The following COL7A1 variants were observed in gnomAD, a reference collection of about 807,000 sequenced individuals.
COL7A1 encodes collagen alpha-1(VII) chain.
A neutral mutation model predicts 456.2 loss-of-function variants in COL7A1; 296 were observed. The observed-to-expected ratio is 0.65, with a 90% CI of 0.59 to 0.71. The LOEUF (loss-of-function observed/expected upper bound fraction) is 0.71. COL7A1 is among the 30% of genes least tolerant of loss of function. The pLI is 0.00. For synonymous variants in COL7A1, 1,464 were observed against 1,525.9 expected (o/e 0.96, Z 0.95); for missense variants, 3,441 against 4,017.2 (o/e 0.86, Z 3.88).
rs114580573 is a variant in COL7A1 at position 48,579,025 on chromosome 3, C to G, written c.5389-71G>C. Reference sequence around the variant, plus strand: ...GGCTCTAGTCCCTGTGAGCCTAAGGCCTGCATGGCAAGAACATGCCCCACC... The same window carrying G: ...GGCTCTAGTCCCTGTGAGCCTAAGGGCTGCATGGCAAGAACATGCCCCACC... On this transcript the variant is annotated intron_variant, in intron 62 of 118. Transcript: ENST00000681320. This position sits in a 1 kb window ranked among gnomAD's most constrained non-coding sequence, Gnocchi z 4.4. The G allele has an allele frequency of 6.2e-7, 1 of 1,600,480 alleles. No homozygotes were observed. The highest frequency in any genetic ancestry group is 1.1e-5 in the South Asian group (1 of 90,740).
At position 48,580,354 on chromosome 3, in the gene COL7A1, G is replaced by T. The variant is rs1442370423; in HGVS notation, c.5053-10C>A. The T allele has an allele frequency of 1.2e-6, 2 of 1,608,398 alleles. No individual in the cohort carries two copies. The highest frequency in any genetic ancestry group is 3.4e-5 in the Admixed American group (2 of 59,454). ...ATGATCCAGGGCTGCCCTGCAGAAA[G>T]GCAGGGGTCAGGGCCACTCAAGGTA... On this transcript the variant is annotated splice_polypyrimidine_tract_variant and intron_variant, in intron 55 of 118. Transcript: ENST00000681320. The surrounding 1 kb of genome is among the most constrained non-coding windows in gnomAD (Gnocchi z 4.5).
rs377732069 is a variant in COL7A1, at chr3:48,592,175, C to T, written c.1167G>A (p.Thr389=). 16 of 1,613,988 alleles carry T rather than the reference C, an allele frequency of 9.9e-6. No individual in the cohort carries two copies. The African/African-American group carries it at 1.1e-4, about 11-fold the overall frequency. The change falls in exon 10 of 119, where the codon ACG becomes ACA. Residue 389 remains threonine, a synonymous_variant. Coordinates refer to ENST00000681320, the MANE Select transcript of COL7A1 (RefSeq NM_000094.4). This position sits in a 1 kb window ranked among gnomAD's most constrained non-coding sequence, Gnocchi z 7.6. ...GGGTGCTCACGGTCACCTCATAGTCCGTGCCAGGCTCCAAGTCACGCAGCA... is the reference window on the plus strand; with the variant it reads ...GGGTGCTCACGGTCACCTCATAGTCTGTGCCAGGCTCCAAGTCACGCAGCA... The part of the protein sequence containing the change: ...SVLLRDLEPG[T]DYEVTVSTLF...
Position 48,570,497 on chromosome 3 carries a change from G to T in COL7A1, c.7348C>A (p.Pro2450Thr), listed in dbSNP as rs2043840616. The T allele has an allele frequency of 2.5e-6, 4 of 1,614,004 alleles. No homozygotes were observed. The highest frequency in any genetic ancestry group is 3.4e-6 in the Non-Finnish European group (4 of 1,179,950). The part of the protein sequence containing the change: ...GPPGPPGSVG[P>T]PGASGLKGDK... ...CCTTTGAGTCCAGAGGCCCCAGGTG[G>T]TCCCTGTAGGTCAGAGTGAGGTGAG... Residue 2450 changes from proline to threonine, a missense_variant, in exon 97 of 119, where the codon CCA becomes ACA. By Grantham distance (38) the Pro-to-Thr change is conservative. This residue lies in a region of COL7A1 where 2,084 missense variants were observed against 2,501.3 expected (regional missense o/e 0.83). Transcript: ENST00000681320. The surrounding 1 kb of genome is among the most constrained non-coding windows in gnomAD (Gnocchi z 5.5).
chr3:48,590,030 G>A lies in COL7A1; in HGVS notation c.2050+183C>T, dbSNP rs1252262936. 3.9e-5 allele frequency among the ~76,000 whole-genome samples: 6 copies of A among 152,090 alleles called. No homozygotes were observed. The highest frequency in any genetic ancestry group is 5.9e-5 in the Non-Finnish European group (4 of 68,010). On this transcript the variant is annotated intron_variant, in intron 16 of 118. Coordinates refer to ENST00000681320, the MANE Select transcript of COL7A1 (RefSeq NM_000094.4). The surrounding 1 kb of genome is among the most constrained non-coding windows in gnomAD (Gnocchi z 4.6). ...GAGAGAAGCGGAGGAATCTGAATACGGGGAGGGCTTAAGGGGAGACAGCTG... is the reference window on the plus strand; with the variant it reads ...GAGAGAAGCGGAGGAATCTGAATACAGGGAGGGCTTAAGGGGAGACAGCTG...
At position 48,583,054 on chromosome 3, in the gene COL7A1, G is replaced by A; in HGVS notation, c.4483-6C>T. 2 of 1,614,012 alleles carry A rather than the reference G, an allele frequency of 1.2e-6. No individual in the cohort carries two copies. The highest frequency in any genetic ancestry group is 1.7e-6 in the Non-Finnish European group (2 of 1,179,978). On this transcript the variant is annotated splice_region_variant and splice_polypyrimidine_tract_variant and intron_variant, in intron 43 of 118. Coordinates refer to ENST00000681320, the MANE Select transcript of COL7A1 (RefSeq NM_000094.4). The surrounding 1 kb of genome is among the most constrained non-coding windows in gnomAD (Gnocchi z 5.1). ...CCTGGGGGTCCACGTTCGCCCTGAT[G>A]GAAAAGAAGAGGTCAGAGCTGAGTT...
Position 48,578,466 on chromosome 3 carries a change from G to C in COL7A1, c.5474C>G (p.Pro1825Arg). ...GEQGLPGPSG[P>R]PGLPGKPGED... is the part of the protein sequence containing the mutation. The stretch of plus-strand genomic sequence containing the variant: ...GTCTGGTCTCACCGGTAATCCAGGG[G>C]GACCAGAGGGGCCAGGGAGGCCCTG... Residue 1825 changes from proline (P) to arginine (R), a missense_variant, in exon 64 of 119, where the codon CCC (proline) becomes CGC (arginine). Pro to Arg is a moderately radical substitution (Grantham distance 103). Transcript: ENST00000681320. This position sits in a 1 kb window ranked among gnomAD's most constrained non-coding sequence, Gnocchi z 4.7. 6.2e-7 allele frequency: 1 copy of C among 1,613,058 alleles called. No homozygotes were observed. The highest frequency in any genetic ancestry group is 8.5e-7 in the Non-Finnish European group (1 of 1,180,020).
Position 48,579,938 on chromosome 3 carries a change from TG to T in COL7A1, c.5124+92del. 2 of 1,604,042 alleles carry T rather than the reference TG, an allele frequency of 1.2e-6. No homozygotes were observed. Among genetic ancestry groups the T allele is most frequent in the Non-Finnish European group, 1.7e-6 (2 of 1,171,370 alleles). Reference sequence around the variant, plus strand: ...GGTTTCAGAGGGACAGTGGGGGAAGTGGGAGTTAGTGGAAGGAATGAGGGGA... The same window carrying T: ...GGTTTCAGAGGGACAGTGGGGGAAGTGGAGTTAGTGGAAGGAATGAGGGGA... On this transcript the variant is annotated intron_variant, in intron 57 of 118. Coordinates refer to ENST00000681320, the MANE Select transcript of COL7A1 (RefSeq NM_000094.4). The surrounding 1 kb of genome is among the most constrained non-coding windows in gnomAD (Gnocchi z 4.4).
Position 48,570,834 on chromosome 3 carries a change from C to A in COL7A1, c.7272+27G>T. 6.3e-7 allele frequency: 1 copy of A among 1,592,180 alleles called. No individual in the cohort carries two copies. The highest frequency in any genetic ancestry group is 8.6e-7 in the Non-Finnish European group (1 of 1,169,228). On this transcript the variant is annotated intron_variant, in intron 95 of 118. Coordinates refer to ENST00000681320, the MANE Select transcript of COL7A1 (RefSeq NM_000094.4). The surrounding 1 kb of genome is among the most constrained non-coding windows in gnomAD (Gnocchi z 5.5). ...CTCACCCACCATGGATTCACCATGC[C>A]CCTACATGCTGTTCCCAGCCCCTCA...
Position 48,564,859 on chromosome 3 carries a change from C to T in COL7A1, c.8742G>A (p.Gly2914=), listed in dbSNP as rs1367703461. 1 of 1,614,154 alleles carries T rather than the reference C, an allele frequency of 6.2e-7. No individual in the cohort carries two copies. The highest frequency in any genetic ancestry group is 8.5e-7 in the Non-Finnish European group (1 of 1,180,016). The change falls in exon 118 of 119, where the codon GGG becomes GGA. Residue 2914 remains glycine, a synonymous_variant. Coordinates refer to ENST00000681320, the MANE Select transcript of COL7A1 (RefSeq NM_000094.4). This position sits in a 1 kb window ranked among gnomAD's most constrained non-coding sequence, Gnocchi z 6.0. ...CACGGGTCCCAAAACGGTTGGCATT[C>T]CCTCCACAGCCACCATAGACAAAAG... ...CHPFVYGGCG[G]NANRFGTREA... is the part of the protein sequence containing the mutation.
Position 48,574,414 on chromosome 3 carries a change from C to T in COL7A1, c.6456+74G>A. 6.2e-7 allele frequency: 1 copy of T among 1,611,020 alleles called. No homozygotes were observed. Among genetic ancestry groups the T allele is most frequent in the South Asian group, 1.1e-5 (1 of 91,008 alleles). ...CAGACAGTCCCAGGCAGTACAGACC[C>T]CAGCCCTGCACACAGGACAATACAT... On this transcript the variant is annotated intron_variant, in intron 79 of 118. Coordinates refer to ENST00000681320, the MANE Select transcript of COL7A1 (RefSeq NM_000094.4). The surrounding 1 kb of genome is among the most constrained non-coding windows in gnomAD (Gnocchi z 5.0).
rs368225541 is a variant in COL7A1, at chr3:48,567,737, G to A, written c.7956C>T (p.Pro2652=). ...TCTCTCCTTTGTGTCCTGCCAGCCCGGGGCGGCCTGGGGGACCAGCTTCTC... is the reference window on the plus strand; with the variant it reads ...TCTCTCCTTTGTGTCCTGCCAGCCCAGGGCGGCCTGGGGGACCAGCTTCTC... The part of the protein sequence containing the change: ...DKGEAGPPGR[P]GLAGHKGEMG... Residue 2652 remains proline (P), a synonymous_variant, in exon 108 of 119, where the codon CCC becomes CCT. Coordinates refer to ENST00000681320, the MANE Select transcript of COL7A1 (RefSeq NM_000094.4). The surrounding 1 kb of genome is among the most constrained non-coding windows in gnomAD (Gnocchi z 4.3). 3.3e-5 allele frequency: 54 copies of A among 1,613,872 alleles called. No individual in the cohort carries two copies. The highest frequency in any genetic ancestry group is 1.8e-4 in the South Asian group (16 of 91,070).
In COL7A1 at chr3:48,567,781, T is replaced by C; in HGVS notation, c.7930-18A>G. 6.2e-7 allele frequency: 1 copy of C among 1,614,162 alleles called. No individual in the cohort carries two copies. Among genetic ancestry groups the C allele is most frequent in the Non-Finnish European group, 8.5e-7 (1 of 1,180,022 alleles). On this transcript the variant is annotated intron_variant, in intron 107 of 118. Transcript: ENST00000681320. The surrounding 1 kb of genome is among the most constrained non-coding windows in gnomAD (Gnocchi z 4.3). Reference sequence around the variant, plus strand: ...GCTTCTCCCTGCAGGCATCAGGCAGTGGGGTGAGCCTTAGGCCCCAGGCCA... The same window carrying C: ...GCTTCTCCCTGCAGGCATCAGGCAGCGGGGTGAGCCTTAGGCCCCAGGCCA...
chr3:48,574,195 A>G lies in COL7A1; in HGVS notation c.6501+67T>C, dbSNP rs1288809582. ...AACACACACACACAGACATGCACAC[A>G]CACAGCAGCAGCAGCACCTAGCGGA... is the stretch of plus-strand genomic sequence containing the variant. On this transcript the variant is annotated intron_variant, in intron 80 of 118. Coordinates refer to ENST00000681320, the MANE Select transcript of COL7A1 (RefSeq NM_000094.4). The surrounding 1 kb of genome is among the most constrained non-coding windows in gnomAD (Gnocchi z 5.0). 3.8e-6 allele frequency: 6 copies of G among 1,585,942 alleles called. No individual in the cohort carries two copies. In the African/African-American group the frequency reaches 8.1e-5, roughly 21 times the overall value.
Position 48,585,785 on chromosome 3 carries a change from T to G in COL7A1, c.3786+45A>C. On this transcript the variant is annotated intron_variant, in intron 30 of 118. Coordinates refer to ENST00000681320, the MANE Select transcript of COL7A1 (RefSeq NM_000094.4). The surrounding 1 kb of genome is among the most constrained non-coding windows in gnomAD (Gnocchi z 4.5). ...GTGCTGCCAACCTCTCCTGCCCCACTGACACTCAACCCATTCTCTATTCCC... is the reference window on the plus strand; with the variant it reads ...GTGCTGCCAACCTCTCCTGCCCCACGGACACTCAACCCATTCTCTATTCCC... The G allele has an allele frequency of 6.2e-7, 1 of 1,614,056 alleles. No individual in the cohort carries two copies.
Position 48,579,817 on chromosome 3 carries a change from G to A in COL7A1, c.5125-3C>T. 1.9e-6 allele frequency: 3 copies of A among 1,614,102 alleles called. No individual in the cohort carries two copies. In the South Asian group the frequency reaches 3.3e-5, roughly 18 times the overall value. On this transcript the variant is annotated splice_polypyrimidine_tract_variant and splice_region_variant and intron_variant, in intron 57 of 118. Transcript: ENST00000681320. This position sits in a 1 kb window ranked among gnomAD's most constrained non-coding sequence, Gnocchi z 4.4. ...CTGGCTCCAGGTCCTGTGTCTACCT[G>A]TGGGGGGAATGACCAGTGAGAAGAA...
chr3:48,586,742 G>T lies in COL7A1; in HGVS notation c.3277-53C>A. 1 of 1,549,570 alleles carries T rather than the reference G, an allele frequency of 6.5e-7. No homozygotes were observed. The highest frequency in any genetic ancestry group is 8.7e-7 in the Non-Finnish European group (1 of 1,145,544). ...AGGAGGATGACAGAGCAGGGATGGGGGTGCACAGAGCCTGGAGAAACACAT... is the reference window on the plus strand; with the variant it reads ...AGGAGGATGACAGAGCAGGGATGGGTGTGCACAGAGCCTGGAGAAACACAT... On this transcript the variant is annotated intron_variant, in intron 25 of 118. Coordinates refer to ENST00000681320, the MANE Select transcript of COL7A1 (RefSeq NM_000094.4). The surrounding 1 kb of genome is among the most constrained non-coding windows in gnomAD (Gnocchi z 5.1).
At position 48,571,058 on chromosome 3, in the gene COL7A1, C is replaced by A. The variant is rs200688246; in HGVS notation, c.7164+43G>T. ...AACTCCCTCTTCCTCCTGTGGGGGC[C>A]CGGCCTGCTGCCCCTACAACTGGTG... On this transcript the variant is annotated intron_variant, in intron 94 of 118. Transcript: ENST00000681320. The surrounding 1 kb of genome is among the most constrained non-coding windows in gnomAD (Gnocchi z 4.6). 1 of 1,612,610 alleles carries A rather than the reference C, an allele frequency of 6.2e-7. No homozygotes were observed. The highest frequency in any genetic ancestry group is 8.5e-7 in the Non-Finnish European group (1 of 1,178,864).
chr3:48,586,729 G>T lies in COL7A1; in HGVS notation c.3277-40C>A. On this transcript the variant is annotated intron_variant, in intron 25 of 118. Coordinates refer to ENST00000681320, the MANE Select transcript of COL7A1 (RefSeq NM_000094.4). This position sits in a 1 kb window ranked among gnomAD's most constrained non-coding sequence, Gnocchi z 5.1. ...AACACAGAGCCTGAGGAGGATGACAGAGCAGGGATGGGGGTGCACAGAGCC... is the reference window on the plus strand; with the variant it reads ...AACACAGAGCCTGAGGAGGATGACATAGCAGGGATGGGGGTGCACAGAGCC... 1 of 1,554,448 alleles carries T rather than the reference G, an allele frequency of 6.4e-7. No homozygotes were observed. The highest frequency in any genetic ancestry group is 1.2e-5 in the South Asian group (1 of 84,752).
Position 48,586,841 on chromosome 3 carries a change from TG to T in COL7A1, c.3276+130del. ...GCAGGATAGGGAGCCAGGCAGTAGG[TG>T]AGGTCTGGAGCCTGTGAGAGAGCTG... On this transcript the variant is annotated intron_variant, in intron 25 of 118. Transcript: ENST00000681320. The surrounding 1 kb of genome is among the most constrained non-coding windows in gnomAD (Gnocchi z 5.1). The T allele has an allele frequency of 6.6e-7, 1 of 1,509,320 alleles. No individual in the cohort carries two copies. The highest frequency in any genetic ancestry group is 9.0e-7 in the Non-Finnish European group (1 of 1,113,108). The allele number at this position is 1,509,320 out of a possible 1,614,324, so 93.5% of individuals were successfully genotyped here. A position where few individuals can be genotyped will look rare whatever the true frequency, so the allele number is the denominator to read the frequency against.
Sources: allele counts gnomAD v4.1 joint callset (sites outside exome capture counted in the v4.1 genomes callset), GRCh38; gene constraint gnomAD v4.1.1; regional missense constraint gnomAD v4.1.1; non-coding constraint Gnocchi (gnomAD v3.1); transcripts MANE v1.5; gene names NCBI Gene and HGNC (gene_info 2026-07-23, HGNC 2026-07-21).